CADPS: variants seen among roughly 807,000 people sequenced by gnomAD.
The protein encoded by CADPS is calcium-dependent secretion activator 1.
CADPS carries 57 observed loss-of-function variants against 167.3 expected under a neutral mutation model. That is an observed-to-expected ratio of 0.34 (90% CI 0.28 to 0.42). CADPS has a LOEUF of 0.42. Ranked by LOEUF, CADPS falls within the 20% of genes least tolerant of loss-of-function variation. CADPS has a pLI of 1.00. For missense variants in CADPS, 1,414 were observed against 1,738.1 expected, an observed-to-expected ratio of 0.81 and a Z score of 3.32; for synonymous variants, 676 against 635.3, an observed-to-expected ratio of 1.06 and a Z score of -0.96.
intron 1 of CADPS, among the ~76,000 whole-genome samples, chr3:62,862,597 G>T (rs1217016733): frequency 6.6e-6 from 1 of 152,114 alleles, no homozygotes; most frequent in Non-Finnish European, 1.5e-5. Flanking sequence ...AGCTTCAAAA[G>T]CAAGATTGAA....
In CADPS at chr3:62,536,534, T is replaced by C. The variant is rs762016527; in HGVS notation, c.2014A>G (p.Asn672Asp). The C allele has an allele frequency of 6.2e-7, 1 of 1,613,446 alleles. No individual in the cohort carries two copies. The highest frequency in any genetic ancestry group is 1.1e-5 in the South Asian group (1 of 91,062). ...KHGMDEFISS[N>D]PCNFDHASLF... ...GAAGCGTGGTCAAAGTTACAGGGGTTGGAAGAGATAAATTCATCCATGCCA... is the reference window on the plus strand; with the variant it reads ...GAAGCGTGGTCAAAGTTACAGGGGTCGGAAGAGATAAATTCATCCATGCCA... The change falls in exon 12 of 30, where the codon AAC becomes GAC. Residue 672 changes from asparagine (N) to aspartate (D), a missense_variant. Coordinates refer to ENST00000383710, the MANE Select transcript of CADPS (RefSeq NM_003716.4).
intron 1 of CADPS, among the ~76,000 whole-genome samples, chr3:62,818,926 C>A (rs2094757724): frequency 6.6e-6 from 1 of 151,710 alleles, no homozygotes; most frequent in Non-Finnish European, 1.5e-5. Flanking sequence ...AACCCAAACA[C>A]AAAAGATCAT....
intron 26 of CADPS, among the ~76,000 whole-genome samples, chr3:62,453,163 A>T (rs964915025): frequency 1.3e-5 from 2 of 152,056 alleles, no homozygotes; most frequent in African/African-American, 4.8e-5. Flanking sequence ...CAATATAATA[A>T]TAGTACTTAG....
chr3:62,539,083 C>T (rs2075262046), intron 11 of CADPS, among the ~76,000 whole-genome samples: 1 of 152,018 alleles, frequency 6.6e-6, no homozygotes. Context: ...TTCCTTTTCC[C>T]TTCTTCCTTT....
chr3:62,785,357 C>A (rs1050951753), intron 1 of CADPS, among the ~76,000 whole-genome samples: 2 of 152,170 alleles, frequency 1.3e-5, no homozygotes, highest in African/African-American at 4.8e-5. Context: ...CCTCCTAGCA[C>A]TGTGAGAGTT....
intron 9 of CADPS, among the ~76,000 whole-genome samples, chr3:62,566,209 C>A (rs879303382): frequency 6.6e-6 from 1 of 152,152 alleles, no homozygotes; most frequent in African/African-American, 2.4e-5. Context: ...GGAGCAGGGG[C>A]GGGGTTAGGG....
intron 2 of CADPS, among the ~76,000 whole-genome samples, chr3:62,754,411 CT>C (rs1204967724): frequency 6.6e-6 from 1 of 152,106 alleles, no homozygotes; most frequent in Non-Finnish European, 1.5e-5. Flanking sequence ...TGGTCTCAAA[CT>C]CTTGGGCTCA....
intron 6 of CADPS, among the ~76,000 whole-genome samples, chr3:62,599,192 C>T (rs2059333683): frequency 1.3e-5 from 2 of 151,920 alleles, no homozygotes; most frequent in South Asian, 4.1e-4. Context: ...GAAAGGTTAA[C>T]TGACTAACTT....
intron 5 of CADPS, among the ~76,000 whole-genome samples, chr3:62,649,635 AC>A (rs1387509194): frequency 7.6e-6 from 1 of 132,120 alleles, no homozygotes; most frequent in East Asian, 2.3e-4. Flanking sequence ...ATTATGGCTC[AC>A]TGCAGCCTTG....
chr3:62,542,327 G>A (rs373838564), intron 11 of CADPS, among the ~76,000 whole-genome samples: 29 of 152,256 alleles, frequency 1.9e-4, no homozygotes, highest in Non-Finnish European at 3.1e-4. Flanking sequence ...TCTCTTATAC[G>A]GAAAATGTGT....
intron 10 of CADPS, among the ~76,000 whole-genome samples, chr3:62,550,428 AAAC>A (rs1479812137): frequency 3.3e-5 from 5 of 152,090 alleles, no homozygotes; most frequent in Non-Finnish European, 5.9e-5. Context: ...AACACAAACA[AAAC>A]AACAACAAAA....
chr3:62,730,132 G>A (rs926920255), intron 3 of CADPS, among the ~76,000 whole-genome samples: 1 of 149,458 alleles, frequency 6.7e-6, no homozygotes. Context: ...ACTTCATGAC[G>A]GTCTTCTTTG....
chr3:62,475,280 AG>A (rs1346821151), intron 23 of CADPS, among the ~76,000 whole-genome samples: 12 of 152,190 alleles, frequency 7.9e-5, no homozygotes, highest in Admixed American at 3.3e-4. Flanking sequence ...ATATTTTAAA[AG>A]GTTTCAGGGA....
At position 62,748,344 on chromosome 3, in the gene CADPS, C is replaced by CAAAA. The variant is rs60942307; in HGVS notation, c.888+5093_888+5096dup. Among the ~76,000 whole-genome samples, 6 of 48,494 alleles carry CAAAA rather than the reference C, an allele frequency of 1.2e-4. 1 individual carries two copies. Among genetic ancestry groups the CAAAA allele is most frequent in the East Asian group, 1.2e-3 (1 of 812 alleles). The allele number at this position is 48,494 out of a possible 152,430, so 31.8% of individuals were successfully genotyped here. On this transcript the variant is annotated intron_variant, in intron 3 of 29. Coordinates refer to ENST00000383710, the MANE Select transcript of CADPS (RefSeq NM_003716.4). ...CTGGGCGAGAAGCGAGACTCCGTCT[C>CAAAA]AAAAAAAAAAAAAAAAAAAAAAAAA...
intron 1 of CADPS, among the ~76,000 whole-genome samples, chr3:62,821,773 C>T (rs1178140856): frequency 2.6e-5 from 4 of 152,178 alleles, no homozygotes; most frequent in Non-Finnish European, 5.9e-5. Context: ...CACTGGGTGA[C>T]ACAGTTCAAT....
chr3:62,480,057 G>A (rs954973448), intron 22 of CADPS, among the ~76,000 whole-genome samples: 3 of 148,036 alleles, frequency 2.0e-5, no homozygotes, highest in African/African-American at 7.9e-5. Context: ...ATTCTTGTAG[G>A]GTTTTTTTTT....
At chr3:62,638,813 G>T (rs999961555) in intron 6 of CADPS, among the ~76,000 whole-genome samples, 6 of 152,152 alleles carry the variant, frequency 3.9e-5, no homozygotes, top group Non-Finnish European at 8.8e-5. Context: ...GGACCAGTTA[G>T]TTGGATGAAA....
intron 1 of CADPS, among the ~76,000 whole-genome samples, chr3:62,828,697 C>A (rs1240136479): frequency 6.6e-6 from 1 of 152,038 alleles, no homozygotes; most frequent in Admixed American, 6.6e-5. Context: ...TTTAAATATG[C>A]TTTTAATAAC....
At chr3:62,786,913 C>T (rs1201798226) in intron 1 of CADPS, among the ~76,000 whole-genome samples, 1 of 152,096 alleles carries the variant, frequency 6.6e-6, no homozygotes, top group Admixed American at 6.5e-5. Flanking sequence ...ACACAGATAT[C>T]TTGGTGCAGC....
Sources: allele counts gnomAD v4.1 joint callset (sites outside exome capture counted in the v4.1 genomes callset), GRCh38; gene constraint gnomAD v4.1.1; transcripts MANE v1.5; gene names NCBI Gene and HGNC (gene_info 2026-07-23, HGNC 2026-07-21).